COL23A1: variants seen among roughly 807,000 people sequenced by gnomAD.
COL23A1 encodes collagen alpha-1(XXIII) chain.
Under a neutral mutation model 99.3 loss-of-function variants are expected in COL23A1, and 97 were observed. The ratio of observed to expected loss-of-function variants is 0.98; its 90% CI spans 0.83 to 1.16. COL23A1 has a LOEUF of 1.16. Among genes scored for constraint, COL23A1 ranks in the 50% most tolerant of loss-of-function variants. The pLI is 0.00. For missense variants in COL23A1, 762 were observed against 757.4 expected (o/e 1.01, Z -0.07); for synonymous variants, 320 against 308.2 (o/e 1.04, Z -0.40).
intron 2 of COL23A1, among the ~76,000 whole-genome samples, chr5:178,333,141 AGAGACG>A: frequency 6.6e-6 from 1 of 152,038 alleles, no homozygotes; most frequent in Non-Finnish European, 1.5e-5. Context: ...TATTTTTAAT[AGAGACG>A]GGGTTTCACC....
intron 2 of COL23A1, among the ~76,000 whole-genome samples, chr5:178,475,030 C>T (rs1417716998): frequency 6.6e-6 from 1 of 152,166 alleles, no homozygotes; most frequent in African/African-American, 2.4e-5. Context: ...TCCATCACTG[C>T]AATTTCTGCC....
chr5:178,533,744 G>A (rs1399163711), intron 2 of COL23A1, among the ~76,000 whole-genome samples: 2 of 152,166 alleles, frequency 1.3e-5, no homozygotes, highest in African/African-American at 4.8e-5. Context: ...TGATCCGCCT[G>A]CCTCAGCCTC....
At position 178,357,736 on chromosome 5, in the gene COL23A1, G is replaced by A. The variant is rs533105332; in HGVS notation, c.362-50817C>T. On this transcript the variant is annotated intron_variant, in intron 2 of 28. Transcript: ENST00000390654. ...TGTGTGTATGTGTGTGTGTGTGTGT[G>A]TATGTACGTGTATGTGTGTGTGTAC... Among the ~76,000 whole-genome samples, 22 of 150,132 alleles carry A rather than the reference G, an allele frequency of 1.5e-4. No homozygotes were observed. In the East Asian group the frequency reaches 3.5e-3, roughly 24 times the overall value.
chr5:178,309,931 G>C lies in COL23A1; in HGVS notation c.362-3012C>G, dbSNP rs996550470. Among the ~76,000 whole-genome samples the C allele has an allele frequency of 1.3e-4, 11 of 87,894 alleles. No individual in the cohort carries two copies. Among genetic ancestry groups the C allele is most frequent in the Non-Finnish European group, 2.7e-4 (10 of 36,590 alleles). 57.7% of individuals were successfully genotyped at this position (87,894 alleles called of 152,430 possible). A position where few individuals can be genotyped will look rare whatever the true frequency, so the allele number is the denominator to read the frequency against. ...ACGACCAAGTGATGTGTGTTCAGGGGAGGAAGGGCGGGGGGGAGAGGGAGG... is the reference window on the plus strand; with the variant it reads ...ACGACCAAGTGATGTGTGTTCAGGGCAGGAAGGGCGGGGGGGAGAGGGAGG... On this transcript the variant is annotated intron_variant, in intron 2 of 28. Transcript: ENST00000390654. The surrounding 1 kb of genome is among the most constrained non-coding windows in gnomAD (Gnocchi z 4.7).
chr5:178,448,790 C>T (rs947715694), intron 2 of COL23A1, among the ~76,000 whole-genome samples: 7 of 152,058 alleles, frequency 4.6e-5, no homozygotes, highest in African/African-American at 1.2e-4. Context: ...CTGGAGAACA[C>T]GTTCAAACCC....
chr5:178,494,840 AC>A (rs1183475948), intron 2 of COL23A1, among the ~76,000 whole-genome samples: 1 of 151,832 alleles, frequency 6.6e-6, no homozygotes, highest in Non-Finnish European at 1.5e-5. Flanking sequence ...GCTTTGGAAG[AC>A]CCCTGACATC....
In COL23A1 at chr5:178,328,950, C is replaced by T. The variant is rs117288521; in HGVS notation, c.362-22031G>A. The stretch of plus-strand genomic sequence containing the variant: ...GAAGCAGACAATGAGGGCTACCTGC[C>T]GATACAGAAATGGGCACGAACACAG... On this transcript the variant is annotated intron_variant, in intron 2 of 28. Coordinates refer to ENST00000390654, the MANE Select transcript of COL23A1 (RefSeq NM_173465.4). Among the ~76,000 whole-genome samples the T allele has an allele frequency of 5.5e-4, 84 of 152,278 alleles. 2 individuals are homozygous for T. The East Asian group carries it at 0.015, about 28-fold the overall frequency.
intron 2 of COL23A1, among the ~76,000 whole-genome samples, chr5:178,462,388 T>G (rs1756168648): frequency 1.3e-5 from 2 of 152,226 alleles, no homozygotes; most frequent in Admixed American, 1.3e-4. Flanking sequence ...CTTTTATCTT[T>G]GCATTTGAGG....
rs1327438826 is a variant in COL23A1, at chr5:178,306,519, C to T, written c.406+356G>A. Among the ~76,000 whole-genome samples, 5 of 149,926 alleles carry T rather than the reference C, an allele frequency of 3.3e-5. No individual in the cohort carries two copies. Among genetic ancestry groups the T allele is most frequent in the Admixed American group, 1.3e-4 (2 of 14,956 alleles). Reference sequence around the variant, plus strand: ...GAGGGATGAAACCCACAGGAGAACCCGGTTGTGCTGAAGGACCCATGGGGG... The same window carrying T: ...GAGGGATGAAACCCACAGGAGAACCTGGTTGTGCTGAAGGACCCATGGGGG... On this transcript the variant is annotated intron_variant, in intron 3 of 28. Coordinates refer to ENST00000390654, the MANE Select transcript of COL23A1 (RefSeq NM_173465.4). This position sits in a 1 kb window ranked among gnomAD's most constrained non-coding sequence, Gnocchi z 4.1.
chr5:178,342,876 T>TA (rs1018353889), intron 2 of COL23A1, among the ~76,000 whole-genome samples: 19 of 151,974 alleles, frequency 1.3e-4, no homozygotes, highest in African/African-American at 4.6e-4. Context: ...GAGTGAAACT[T>TA]AAGACCATCA....
intron 2 of COL23A1, among the ~76,000 whole-genome samples, chr5:178,401,875 G>C (rs1764466120): frequency 6.6e-6 from 1 of 152,104 alleles, no homozygotes; most frequent in Admixed American, 6.5e-5. Context: ...GAGTGCAATG[G>C]CGCAATCTCG....
At chr5:178,278,999 C>G (rs146484523) in intron 5 of COL23A1, among the ~76,000 whole-genome samples, 45 of 152,280 alleles carry the variant, frequency 3.0e-4, no homozygotes, top group African/African-American at 1.1e-3. Context: ...GACCACAGAC[C>G]GGCCAGGCAG....
rs971672463 is a variant in COL23A1, at chr5:178,543,455, C to T, written c.361+17227G>A. Among the ~76,000 whole-genome samples the T allele has an allele frequency of 5.3e-5, 8 of 152,238 alleles. No homozygotes were observed. In the East Asian group the frequency reaches 7.7e-4, roughly 15 times the overall value. ...CTTTTTTAAAAAAATAAAAGGATGA[C>T]AGCCTGCTCAAAAGACTGGGGCCAT... On this transcript the variant is annotated intron_variant, in intron 2 of 28. Transcript: ENST00000390654.
In COL23A1 at chr5:178,590,347, C is replaced by T. The variant is rs1764208372; in HGVS notation, c.-150G>A. 12 of 614,428 alleles carry T rather than the reference C, an allele frequency of 2.0e-5. No individual in the cohort carries two copies. Among genetic ancestry groups the T allele is most frequent in the Non-Finnish European group, 2.5e-5 (11 of 446,384 alleles). The allele number at this position is 614,428 out of a possible 1,614,324, so 38.1% of individuals were successfully genotyped here. On this transcript the variant is annotated 5_prime_UTR_variant, in exon 1 of 29. Coordinates refer to ENST00000390654, the MANE Select transcript of COL23A1 (RefSeq NM_173465.4). This position sits in a 1 kb window ranked among gnomAD's most constrained non-coding sequence, Gnocchi z 5.7. Reference sequence around the variant, plus strand: ...GTAGCAGCGGATCGCCGCGCACGCCCCCTTCGCCGCAGCCAGCTCCTCCAC... The same window carrying T: ...GTAGCAGCGGATCGCCGCGCACGCCTCCTTCGCCGCAGCCAGCTCCTCCAC...
chr5:178,534,216 G>A (rs1448122112), intron 2 of COL23A1, among the ~76,000 whole-genome samples: 3 of 152,116 alleles, frequency 2.0e-5, no homozygotes, highest in Non-Finnish European at 4.4e-5. Context: ...GAGGGTCTGA[G>A]TCCTCATAGA....
In COL23A1 at chr5:178,270,367, G is replaced by A. The variant is rs1217273016; in HGVS notation, c.442-4C>T. ...TGCCATCCAAACCCAGGGGTCCCTGGAAAACGAGAGAGAGAGAACACAGGT... is the reference window on the plus strand; with the variant it reads ...TGCCATCCAAACCCAGGGGTCCCTGAAAAACGAGAGAGAGAGAACACAGGT... On this transcript the variant is annotated splice_polypyrimidine_tract_variant and splice_region_variant and intron_variant, in intron 5 of 28. Transcript: ENST00000390654. The A allele has an allele frequency of 5.0e-6, 8 of 1,613,768 alleles. No homozygotes were observed. The highest frequency in any genetic ancestry group is 5.9e-6 in the Non-Finnish European group (7 of 1,179,952).
At chr5:178,398,830 C>G (rs1220293806) in intron 2 of COL23A1, among the ~76,000 whole-genome samples, 1 of 152,252 alleles carries the variant, frequency 6.6e-6, no homozygotes, top group Non-Finnish European at 1.5e-5. Context: ...CTTGTGCTAA[C>G]AACATGTCTC....
At chr5:178,383,834 T>C (rs1197704717) in intron 2 of COL23A1, among the ~76,000 whole-genome samples, 1 of 148,590 alleles carries the variant, frequency 6.7e-6, no homozygotes, top group East Asian at 2.0e-4. Flanking sequence ...CACCTCCCCG[T>C]GGCCTCACGC....
chr5:178,551,344 C>T (rs563579990), intron 2 of COL23A1, among the ~76,000 whole-genome samples: 11 of 152,026 alleles, frequency 7.2e-5, no homozygotes, highest in African/African-American at 2.2e-4. Context: ...GGACATGACA[C>T]ATTTTATAAT....
Sources: allele counts gnomAD v4.1 joint callset (sites outside exome capture counted in the v4.1 genomes callset), GRCh38; gene constraint gnomAD v4.1.1; non-coding constraint Gnocchi (gnomAD v3.1); transcripts MANE v1.5; gene names NCBI Gene and HGNC (gene_info 2026-07-23, HGNC 2026-07-21).